Variants in ZC3H14 observed in about 807,000 individuals in gnomAD.
ZC3H14 encodes the protein zinc finger CCCH domain-containing protein 14.
A neutral mutation model predicts 92.4 loss-of-function variants in ZC3H14; 31 were observed. The observed-to-expected ratio is 0.34, with a 90% CI of 0.25 to 0.45. The LOEUF is 0.45. ZC3H14 is among the 20% of genes least tolerant of loss of function. ZC3H14 has a pLI of 1.00. For synonymous variants in ZC3H14, 321 were observed against 300.9 expected (o/e 1.07, Z -0.69); for missense variants, 781 against 897.3 (o/e 0.87, Z 1.66).
Position 88,626,639 on chromosome 14 carries a change from C to A in ZC3H14, c.*14888C>A. The A allele has an allele frequency of 1.6e-6, 1 of 610,180 alleles. No homozygotes were observed. The highest frequency in any genetic ancestry group is 2.8e-6 in the Non-Finnish European group (1 of 359,216). The allele number at this position is 610,180 out of a possible 1,614,324, so 37.8% of individuals were successfully genotyped here. ...GTCAAAAAAAAAAAAAAATCCTTTT[C>A]CCCCTCTCATTAACATTCTTTTCAC... On this transcript the variant is annotated 3_prime_UTR_variant, in exon 17 of 17. Transcript: ENST00000251038.
intron 9 of ZC3H14, among the ~76,000 whole-genome samples, chr14:88,588,239 C>T (rs1566937353): frequency 6.6e-6 from 1 of 152,112 alleles, no homozygotes; most frequent in Non-Finnish European, 1.5e-5. Context: ...GCCATCATCC[C>T]GAGGCGCCCT....
At chr14:88,603,462 C>T (rs1438063959) in intron 12 of ZC3H14, among the ~76,000 whole-genome samples, 1 of 152,216 alleles carries the variant, frequency 6.6e-6, no homozygotes, top group Admixed American at 6.5e-5. Context: ...ATTTCTACCT[C>T]AGTGAAATTT....
chr14:88,608,023 C>T, intron 13 of ZC3H14: 1 of 383,094 alleles, frequency 2.6e-6, no homozygotes, highest in Non-Finnish European at 4.9e-6. Flanking sequence ...AGTACCATCC[C>T]CCATCTCACC....
In ZC3H14 at chr14:88,616,749, CAAAT is replaced by C; in HGVS notation, c.*5001_*5004del. 6.2e-7 allele frequency: 1 copy of C among 1,613,398 alleles called. No individual in the cohort carries two copies. On this transcript the variant is annotated 3_prime_UTR_variant, in exon 17 of 17. Transcript: ENST00000251038. ...ACAAATTTTTCTGGACATGGGAAGT[CAAAT>C]AACTTAACCATGCCAAAGTCATCTC...
chr14:88,585,703 T>A (rs2082390566), intron 9 of ZC3H14, among the ~76,000 whole-genome samples: 2 of 152,158 alleles, frequency 1.3e-5, no homozygotes, highest in Non-Finnish European at 2.9e-5. Context: ...TTTCTGTTCT[T>A]TTAGTCGTTA....
In ZC3H14 at chr14:88,596,805, C is replaced by T. The variant is rs1186097307; in HGVS notation, c.1351C>T (p.Gln451Ter). The change falls in exon 10 of 17, where the codon CAA (glutamine) becomes TAA (stop). Residue 451 changes from glutamine (Q) to a stop codon, truncating the protein, a stop_gained. Coordinates refer to ENST00000251038, the MANE Select transcript of ZC3H14 (RefSeq NM_024824.5). LOFTEE classifies it high-confidence loss of function. ...PVMAETLQMSQDYYDMESMVH... is the reference protein window; with the variant it reads ...PVMAETLQMS The stretch of plus-strand genomic sequence containing the variant: ...AATGGCAGAAACTCTGCAGATGAGT[C>T]AAGGTTGGTAATGTTTCAAGTTGTA... The T allele has an allele frequency of 6.2e-7, 1 of 1,613,648 alleles. No homozygotes were observed. The highest frequency in any genetic ancestry group is 1.3e-5 in the African/African-American group (1 of 74,884).
At chr14:88,574,539 A>T in intron 6 of ZC3H14, 154 bp from the exon 7 acceptor site, 1 of 929,476 alleles carries the variant, frequency 1.1e-6, no homozygotes, top group Non-Finnish European at 1.6e-6. Context: ...CACCACACCC[A>T]GCCTCATATT....
chr14:88,596,618 C>CT, intron 9 of ZC3H14, 116 bp from the exon 10 acceptor site: 2 of 841,886 alleles, frequency 2.4e-6, no homozygotes, highest in Non-Finnish European at 4.0e-6. Context: ...ATTGTTGAAG[C>CT]TTTAAGTTAC....
intron 3 of ZC3H14, 97 bp downstream of exon 3, chr14:88,568,250 T>G: frequency 9.9e-7 from 1 of 1,008,748 alleles, no homozygotes; most frequent in Non-Finnish European, 1.5e-6. Flanking sequence ...GAGTTAGGTT[T>G]ACTTTGGAGA....
intron 9 of ZC3H14, chr14:88,592,491 C>CTTTTTTT (rs58255914): frequency 1.5e-5 from 1 of 65,976 alleles, no homozygotes; most frequent in Non-Finnish European, 2.7e-5. Context: ...ATAAGGATTC[C>CTTTTTTT]TTTTTTTTTT....
Position 88,621,759 on chromosome 14 carries a change from T to C in ZC3H14, c.*10008T>C, listed in dbSNP as rs2088996248. ...GTACAAACACGCTCAAAAATTTTCA[T>C]AGGAGTTGTAGTTTTGAATTTTTAT... On this transcript the variant is annotated 3_prime_UTR_variant, in exon 17 of 17. Coordinates refer to ENST00000251038, the MANE Select transcript of ZC3H14 (RefSeq NM_024824.5). 3 of 338,700 alleles carry C rather than the reference T, an allele frequency of 8.9e-6. No individual in the cohort carries two copies. The highest frequency in any genetic ancestry group is 1.8e-5 in the Non-Finnish European group (3 of 169,802). 21.0% of individuals were successfully genotyped at this position (338,700 alleles called of 1,614,324 possible).
At chr14:88,601,177 C>T (rs77196408) in intron 10 of ZC3H14, among the ~76,000 whole-genome samples, 2,257 of 152,112 alleles carry the variant, frequency 0.015, 25 homozygotes, top group East Asian at 0.035. Context: ...TAGCTCAGTT[C>T]TCTTAGTTGT....
chr14:88,566,251 G>A (rs986797348), intron 2 of ZC3H14, among the ~76,000 whole-genome samples: 4 of 151,436 alleles, frequency 2.6e-5, no homozygotes, highest in African/African-American at 4.9e-5. Context: ...AACATGTGAT[G>A]GATTTATTTT....
chr14:88,608,753 C>T (rs1255650360), intron 13 of ZC3H14: 1 of 161,592 alleles, frequency 6.2e-6, no homozygotes, highest in African/African-American at 2.4e-5. Context: ...TTTTTCCTTA[C>T]AAGCTGGCTG....
rs1438324279 is a variant in ZC3H14, at chr14:88,625,757, A to C, written c.*14006A>C. ...TAAGAATACCCAAAATGTTCAACTG[A>C]AATTTGACATGGCACAAACATTTCA... On this transcript the variant is annotated 3_prime_UTR_variant, in exon 17 of 17. Coordinates refer to ENST00000251038, the MANE Select transcript of ZC3H14 (RefSeq NM_024824.5). 6.6e-6 allele frequency: 1 copy of C among 152,226 alleles called. No individual in the cohort carries two copies. Among genetic ancestry groups the C allele is most frequent in the African/African-American group, 2.4e-5 (1 of 41,448 alleles). 9.4% of individuals were successfully genotyped at this position (152,226 alleles called of 1,614,324 possible). A position where few individuals can be genotyped will look rare whatever the true frequency, so the allele number is the denominator to read the frequency against.
At chr14:88,610,984 T>C (rs2086603052) in intron 16 of ZC3H14, 44 bp downstream of exon 16, 8 of 1,576,072 alleles carry the variant, frequency 5.1e-6, no homozygotes, top group Admixed American at 1.7e-5. Context: ...TCAAATTCTT[T>C]TTTCTAATTT....
intron 9 of ZC3H14, among the ~76,000 whole-genome samples, chr14:88,587,552 A>G (rs542845772): frequency 2.0e-5 from 3 of 152,158 alleles, no homozygotes; most frequent in African/African-American, 4.8e-5. Flanking sequence ...GTTCTTTTAT[A>G]TTGTCAAAGC....
chr14:88,578,662 GA>G (rs2081476984), intron 9 of ZC3H14, among the ~76,000 whole-genome samples: 1 of 151,192 alleles, frequency 6.6e-6, no homozygotes, highest in Non-Finnish European at 1.5e-5. Context: ...ACCTGAACTT[GA>G]AATTTTAGTT....
At position 88,623,614 on chromosome 14, in the gene ZC3H14, A is replaced by G. The variant is rs2089453643; in HGVS notation, c.*11863A>G. 2.0e-5 allele frequency: 3 copies of G among 151,676 alleles called. No individual in the cohort carries two copies. The highest frequency in any genetic ancestry group is 7.3e-5 in the African/African-American group (3 of 41,268). 9.4% of individuals were successfully genotyped at this position (151,676 alleles called of 1,614,324 possible). On this transcript the variant is annotated 3_prime_UTR_variant, in exon 17 of 17. Transcript: ENST00000251038. ...TTTTTAGTAGAGATGGAGTTTCACC[A>G]TATTGGCCAGGCTGATCCCAAACTC...
Sources: gnomAD v4.1 joint callset for allele counts (sites outside exome capture counted in the v4.1 genomes callset) on GRCh38, gnomAD v4.1.1 for gene constraint, MANE v1.5 for transcripts, NCBI Gene and HGNC (gene_info 2026-07-23, HGNC 2026-07-21) for gene names.